The following CDH26 variants were observed in gnomAD, a reference collection of about 807,000 sequenced individuals.
The protein encoded by CDH26 is cadherin-like protein 26.
Under a neutral mutation model 90.3 loss-of-function variants are expected in CDH26, and 83 were observed. The ratio of observed to expected loss-of-function variants is 0.92; its 90% confidence interval spans 0.77 to 1.10. The LOEUF is 1.10. Among genes scored for constraint, CDH26 ranks in the 50% least tolerant of loss-of-function variants. CDH26 has a pLI of 0.00. For missense variants in CDH26, 1,013 were observed against 1,037.6 expected, an observed-to-expected ratio of 0.98 and a Z score of 0.33; for synonymous variants, 397 against 396.3, an observed-to-expected ratio of 1.00 and a Z score of -0.02.
chr20:60,016,134 AT>A (rs373437711), downstream of CDH26, among the ~76,000 whole-genome samples: 2 of 151,494 alleles, frequency 1.3e-5, no homozygotes, highest in East Asian at 1.9e-4. Flanking sequence ...AAATTTTAAG[AT>A]TTTTTTTTCT....
At chr20:60,006,648 C>T in intron 16 of CDH26, 65 bp from the exon 17 acceptor site, 2 of 1,193,938 alleles carry the variant, frequency 1.7e-6, no homozygotes. Flanking sequence ...GCCACTGACA[C>T]ACAGGGGTTG....
Position 59,987,516 on chromosome 20 carries a change from C to A in CDH26, c.901C>A (p.Arg301=). ...QGVLRLLVQD[R]DSPFTSAWRA... is the part of the protein sequence containing the mutation. ...CGTGTTGCGTCTCCTGGTTCAAGAT[C>A]GAGATTCTCCATTTACATCAGCTTG... The change falls in exon 8 of 18, where the codon CGA becomes AGA. Residue 301 remains arginine, a synonymous_variant. Transcript: ENST00000348616. 1 of 1,613,764 alleles carries A rather than the reference C, an allele frequency of 6.2e-7. No individual in the cohort carries two copies. Among genetic ancestry groups the A allele is most frequent in the African/African-American group, 1.3e-5 (1 of 74,970 alleles).
In CDH26 at chr20:59,970,097, C is replaced by G. The variant is rs2061236528; in HGVS notation, c.142C>G (p.Pro48Ala). ...TKQTKEKIYQ[P>A]LRRSKRRWVI... Reference sequence around the variant, plus strand: ...TAAGTTCCAGGAAAAGATCTACCAGCCTCTACGGCGATCCAAGAGAAGATG... The same window carrying G: ...TAAGTTCCAGGAAAAGATCTACCAGGCTCTACGGCGATCCAAGAGAAGATG... The change falls in exon 3 of 18, where the codon CCT (proline) becomes GCT (alanine). Residue 48 changes from proline (P) to alanine (A), a missense_variant. Pro to Ala is a conservative substitution (Grantham distance 27). Transcript: ENST00000348616. 6.2e-7 allele frequency: 1 copy of G among 1,613,454 alleles called. No homozygotes were observed. Among genetic ancestry groups the G allele is most frequent in the Non-Finnish European group, 8.5e-7 (1 of 1,179,742 alleles).
intron 7 of CDH26, among the ~76,000 whole-genome samples, chr20:60,029,665 G>A (rs999190357): frequency 3.3e-5 from 5 of 151,938 alleles, no homozygotes; most frequent in Non-Finnish European, 7.4e-5. Flanking sequence ...GCCCCAGTGT[G>A]TGATGTTCCC....
At chr20:59,970,586 GGATCAGGA>G (rs1018579096) in intron 3 of CDH26, among the ~76,000 whole-genome samples, 8 of 151,570 alleles carry the variant, frequency 5.3e-5, no homozygotes, top group African/African-American at 1.7e-4. Context: ...CGAGGCGGGC[GGATCAGGA>G]GATCAGGAGA....
intron 17 of CDH26, 137 bp from the exon 18 acceptor site, chr20:60,012,390 C>A: frequency 1.4e-6 from 1 of 727,654 alleles, no homozygotes; most frequent in Non-Finnish European, 2.2e-6. Flanking sequence ...ACTGTACGAA[C>A]TCCTGTGTCA....
At chr20:59,999,796 C>A (rs1050189812) in intron 14 of CDH26, 133 bp downstream of exon 14, 2 of 711,092 alleles carry the variant, frequency 2.8e-6, no homozygotes, top group Non-Finnish European at 4.8e-6. Flanking sequence ...GCAACCCCAG[C>A]CCCTACTTGC....
chr20:60,028,179 C>CT (rs1490199120), intron 7 of CDH26, among the ~76,000 whole-genome samples: 2 of 152,188 alleles, frequency 1.3e-5, no homozygotes, highest in Non-Finnish European at 2.9e-5. Flanking sequence ...GACCTCCAGG[C>CT]TGCTCCAGTA....
intron 7 of CDH26, among the ~76,000 whole-genome samples, chr20:60,027,021 G>A (rs1341511367): frequency 1.3e-5 from 2 of 152,168 alleles, no homozygotes; most frequent in East Asian, 1.9e-4. Context: ...GACACGAGGG[G>A]CCACAGCAGC....
At chr20:59,989,329 C>G (rs2061498793) in intron 9 of CDH26, among the ~76,000 whole-genome samples, 166 bp downstream of exon 9, 3 of 151,440 alleles carry the variant, frequency 2.0e-5, no homozygotes, top group Non-Finnish European at 4.4e-5. Context: ...GAGATCGAGA[C>G]CATCCTGGCT....
chr20:60,025,188 A>C (rs543114945), intron 7 of CDH26, among the ~76,000 whole-genome samples: 1 of 152,356 alleles, frequency 6.6e-6, no homozygotes, highest in East Asian at 1.9e-4. Flanking sequence ...GTCGAACTTA[A>C]TACTAAGTAG....
chr20:60,010,070 C>G (rs1363253958), intron 17 of CDH26, among the ~76,000 whole-genome samples: 4 of 152,242 alleles, frequency 2.6e-5, no homozygotes, highest in South Asian at 2.1e-4. Flanking sequence ...GGGCACCAAG[C>G]CTGACATAGC....
intron 7 of CDH26, among the ~76,000 whole-genome samples, chr20:60,024,975 C>G (rs1025263759): frequency 6.6e-6 from 1 of 152,202 alleles, no homozygotes; most frequent in Non-Finnish European, 1.5e-5. Flanking sequence ...CCTCTCCTCC[C>G]TCTCCCTGCA....
At chr20:59,989,217 C>A (rs1373449858) in intron 9 of CDH26, 54 bp downstream of exon 9, 24 of 1,598,800 alleles carry the variant, frequency 1.5e-5, no homozygotes, top group Non-Finnish European at 2.0e-5. Flanking sequence ...AGCCACATAA[C>A]CAAGAGGGCT....
At chr20:59,967,912 TC>T (rs2061186567) in intron 1 of CDH26, among the ~76,000 whole-genome samples, 2 of 128,902 alleles carry the variant, frequency 1.6e-5, no homozygotes, top group African/African-American at 6.7e-5. Context: ...TTCCTTCCTT[TC>T]CTTTCCTTTC....
At chr20:60,026,847 T>C (rs1184865140) in intron 7 of CDH26, among the ~76,000 whole-genome samples, 1 of 152,224 alleles carries the variant, frequency 6.6e-6, no homozygotes, top group Admixed American at 6.5e-5. Context: ...CTGTATGACA[T>C]CAAACCTTAG....
At position 59,996,611 on chromosome 20, in the gene CDH26, T is replaced by C. The variant is rs767841599; in HGVS notation, c.1889-20T>C. The C allele has an allele frequency of 2.5e-6, 4 of 1,614,134 alleles. No homozygotes were observed. The highest frequency in any genetic ancestry group is 3.4e-6 in the Non-Finnish European group (4 of 1,180,060). On this transcript the variant is annotated intron_variant, in intron 12 of 17. Transcript: ENST00000348616. ...TGGGTGAGCTTGTCTAATCTGTTTT[T>C]CCCCTTTGTCTTATAACAGTGGCTC... is the stretch of plus-strand genomic sequence containing the variant.
At chr20:59,996,249 A>G in intron 12 of CDH26, 195 bp downstream of exon 12, 2 of 1,074,386 alleles carry the variant, frequency 1.9e-6, no homozygotes, top group Non-Finnish European at 1.3e-6. Context: ...ATCCCTGGCC[A>G]GCAAAAGCAG....
At chr20:59,997,309 A>G (rs2061611069) in intron 13 of CDH26, among the ~76,000 whole-genome samples, 2 of 152,276 alleles carry the variant, frequency 1.3e-5, no homozygotes, top group Non-Finnish European at 2.9e-5. Context: ...GCAAAGGCCA[A>G]CCAGAAAGCT....
Sources: gnomAD v4.1 joint callset for allele counts (sites outside exome capture counted in the v4.1 genomes callset) on GRCh38, gnomAD v4.1.1 for gene constraint, MANE v1.5 for transcripts, NCBI Gene and HGNC (gene_info 2026-07-23, HGNC 2026-07-21) for gene names.